PTER: variants seen among roughly 807,000 people sequenced by gnomAD.
PTER encodes the protein phosphotriesterase related, also known as N-acetyltaurine hydrolase.
PTER carries 38 observed loss-of-function variants against 29.6 expected under a neutral mutation model. The observed-to-expected ratio is 1.28, with a 90% confidence interval of 0.99 to 1.68. PTER has a LOEUF of 1.68. Among genes scored for constraint, PTER ranks in the 40% most tolerant of loss-of-function variants. PTER has a pLI of 0.00. For missense variants in PTER, 482 were observed against 427.8 expected (o/e 1.13, Z -1.12); for synonymous variants, 172 against 154.5 (o/e 1.11, Z -0.84).
chr10:16,496,563 A>G (rs1411380362), intron 3 of PTER, among the ~76,000 whole-genome samples: 3 of 152,206 alleles, frequency 2.0e-5, no homozygotes, highest in South Asian at 2.1e-4. Context: ...TTTCTCCTCT[A>G]TGAAGCTTTT....
intron 3 of PTER, among the ~76,000 whole-genome samples, chr10:16,501,354 C>T (rs1433578186): frequency 1.7e-5 from 2 of 117,406 alleles, no homozygotes; most frequent in Admixed American, 1.8e-4. Context: ...CACACACACA[C>T]ACACACACAC....
rs777829860 is a variant in PTER at position 16,505,160 on chromosome 10, G to A, written c.839G>A (p.Arg280Lys). The change falls in exon 4 of 5, where the codon AGG becomes AAG. Residue 280 changes from arginine (R) to lysine (K), a missense_variant and splice_region_variant. Transcript: ENST00000535784. ...DMPDDNKRIR[R>K]VRLLVEEGCE... The stretch of plus-strand genomic sequence containing the variant: ...CCTGATGATAACAAAAGAATTAGAA[G>A]GTAAATATGGTAAAGCCTCTCATAG... 2.5e-6 allele frequency: 4 copies of A among 1,613,456 alleles called. No homozygotes were observed. The highest frequency in any genetic ancestry group is 4.5e-5 in the East Asian group (2 of 44,860).
intron 1 of PTER, among the ~76,000 whole-genome samples, chr10:16,453,093 T>G (rs1381725151): frequency 6.6e-6 from 1 of 152,104 alleles, no homozygotes; most frequent in Admixed American, 6.5e-5. Context: ...GGTCTCAATA[T>G]GTTGTCCAGG....
At chr10:16,455,928 A>G (rs1834377995) in intron 1 of PTER, among the ~76,000 whole-genome samples, 1 of 152,196 alleles carries the variant, frequency 6.6e-6, no homozygotes, top group Non-Finnish European at 1.5e-5. Flanking sequence ...GTGTGTTCCA[A>G]TTTAAAAAGT....
At chr10:16,470,597 A>G (rs1043459700) in intron 1 of PTER, among the ~76,000 whole-genome samples, 26 of 152,072 alleles carry the variant, frequency 1.7e-4, no homozygotes, top group Admixed American at 1.7e-3. Flanking sequence ...GTGAAACCCC[A>G]TGTCTACTAA....
At chr10:16,443,868 C>G (rs573820132) in intron 1 of PTER, among the ~76,000 whole-genome samples, 1 of 152,326 alleles carries the variant, frequency 6.6e-6, no homozygotes, top group South Asian at 2.1e-4. Context: ...GTGGTCCTAT[C>G]TGCTCTTTCT....
intron 1 of PTER, among the ~76,000 whole-genome samples, chr10:16,478,113 C>T (rs117056183): frequency 9.1e-4 from 139 of 152,300 alleles, no homozygotes; most frequent in Non-Finnish European, 1.7e-3. Context: ...CAAACATTCT[C>T]AAGGCATTGA....
intron 1 of PTER, among the ~76,000 whole-genome samples, chr10:16,449,811 ATCCACTCTAGCATCTTAATCTCC>A (rs1834142223): frequency 6.6e-6 from 1 of 152,160 alleles, no homozygotes; most frequent in South Asian, 2.1e-4. Flanking sequence ...AAAGTGACTA[ATCCACTCTAGCATCTTAATCTCC>A]CTAAGCCCTT....
chr10:16,508,394 G>T (rs932007614), intron 4 of PTER, among the ~76,000 whole-genome samples: 1 of 151,948 alleles, frequency 6.6e-6, no homozygotes, highest in Non-Finnish European at 1.5e-5. Flanking sequence ...AAATCATCTT[G>T]GAAATGGGAA....
chr10:16,451,195 C>G (rs1834196460), intron 1 of PTER, among the ~76,000 whole-genome samples: 1 of 114,982 alleles, frequency 8.7e-6, no homozygotes, highest in Non-Finnish European at 1.7e-5. Context: ...CTCAGCAAGC[C>G]TGCTCTGTCA....
intron 4 of PTER, among the ~76,000 whole-genome samples, chr10:16,508,633 A>G (rs1836689066): frequency 6.6e-6 from 1 of 152,130 alleles, no homozygotes; most frequent in African/African-American, 2.4e-5. Context: ...TGTGCTAAAT[A>G]TAGCTATTCT....
intron 1 of PTER, among the ~76,000 whole-genome samples, chr10:16,475,286 C>T (rs1835218370): frequency 6.6e-6 from 1 of 152,190 alleles, no homozygotes; most frequent in African/African-American, 2.4e-5. Flanking sequence ...TTGCATTTAG[C>T]TGGGCCTGAC....
chr10:16,503,518 C>T (rs1836443800), intron 3 of PTER, among the ~76,000 whole-genome samples: 1 of 152,282 alleles, frequency 6.6e-6, no homozygotes, highest in Non-Finnish European at 1.5e-5. Context: ...AATTCTCTTG[C>T]CTCAGCCTCC....
At chr10:16,443,851 G>A (rs1382658391) in intron 1 of PTER, among the ~76,000 whole-genome samples, 1 of 152,204 alleles carries the variant, frequency 6.6e-6, no homozygotes, top group East Asian at 1.9e-4. Context: ...GATCGCTAGA[G>A]TATGCTGTGG....
Position 16,485,468 on chromosome 10 carries a change from A to G in PTER, c.432+652A>G, listed in dbSNP as rs114330619. On this transcript the variant is annotated intron_variant, in intron 2 of 4. Transcript: ENST00000535784. ...TAAACACACATGTATCTATTTATAC[A>G]TGTTTACACATATATGTATATATTC... 4.6e-3 allele frequency among the ~76,000 whole-genome samples: 706 copies of G among 152,330 alleles called. 7 individuals are homozygous for G. The highest frequency in any genetic ancestry group is 0.016 in the African/African-American group (677 of 41,582).
intron 1 of PTER, among the ~76,000 whole-genome samples, chr10:16,471,582 G>A (rs747915810): frequency 3.9e-5 from 6 of 151,990 alleles, no homozygotes; most frequent in African/African-American, 9.7e-5. Context: ...AATTTTTATC[G>A]TATTTAAAAT....
Position 16,458,371 on chromosome 10 carries a change from A to G in PTER, c.-49+21324A>G, listed in dbSNP as rs76965002. Among the ~76,000 whole-genome samples the G allele has an allele frequency of 1.6e-3, 241 of 152,320 alleles. 6 individuals are homozygous for G. In the East Asian group the frequency reaches 0.043, roughly 27 times the overall value. ...TACAATGTCAAAGTGATTGCAGTGT[A>G]TGCATGGGGGGACTGTGCTTATGCG... On this transcript the variant is annotated intron_variant, in intron 1 of 4. Transcript: ENST00000535784.
intron 1 of PTER, among the ~76,000 whole-genome samples, chr10:16,471,777 C>G (rs922213418): frequency 8.5e-5 from 13 of 152,134 alleles, no homozygotes; most frequent in African/African-American, 3.1e-4. Context: ...TGTAAACATT[C>G]CTATGTTATA....
At chr10:16,458,964 A>G (rs1374385198) in intron 1 of PTER, among the ~76,000 whole-genome samples, 1 of 152,232 alleles carries the variant, frequency 6.6e-6, no homozygotes, top group African/African-American at 2.4e-5. Flanking sequence ...TATATATACA[A>G]CAAAATTAGT....
Sources: allele counts gnomAD v4.1 joint callset (sites outside exome capture counted in the v4.1 genomes callset), GRCh38; gene constraint gnomAD v4.1.1; transcripts MANE v1.5; gene names NCBI Gene and HGNC (gene_info 2026-07-23, HGNC 2026-07-21).